AKT3: variants seen among roughly 807,000 people sequenced by gnomAD.
The protein encoded by AKT3 is RAC-gamma serine/threonine-protein kinase.
In AKT3, 15 loss-of-function variants were observed where a neutral mutation model predicts 65.3. The ratio of observed to expected loss-of-function variants is 0.23; its 90% CI spans 0.15 to 0.35. The LOEUF is 0.35. AKT3 is among the 10% of genes least tolerant of loss of function. The probability of loss-of-function intolerance (pLI) is 1.00; values close to 1 mark genes in which losing one functional copy is unlikely to be tolerated. For missense variants in AKT3, 243 were observed against 576.5 expected (o/e 0.42, Z 5.92); for synonymous variants, 206 against 183.8 (o/e 1.12, Z -0.98).
chr1:243,661,072 G>A (rs1055326918), intron 4 of AKT3, among the ~76,000 whole-genome samples: 2 of 152,176 alleles, frequency 1.3e-5, no homozygotes, highest in African/African-American at 4.8e-5. Context: ...ACAAACAAAT[G>A]GAAGAACATT....
chr1:243,663,660 G>A (rs1444668438), intron 4 of AKT3, among the ~76,000 whole-genome samples: 1 of 152,114 alleles, frequency 6.6e-6, no homozygotes, highest in East Asian at 1.9e-4. Flanking sequence ...GATCAAAAGT[G>A]TTATTAAAAT....
At chr1:243,833,784 CCA>C (rs765488266) in intron 2 of AKT3, among the ~76,000 whole-genome samples, 3 of 151,154 alleles carry the variant, frequency 2.0e-5, no homozygotes, top group Admixed American at 6.6e-5. Flanking sequence ...ATGAGCCCAG[CCA>C]CAGTGGCTCA....
chr1:243,846,558 A>T (rs1321621530), intron 1 of AKT3, among the ~76,000 whole-genome samples: 1 of 152,166 alleles, frequency 6.6e-6, no homozygotes, highest in Non-Finnish European at 1.5e-5. Context: ...GTATTCAAAG[A>T]TTACTTGGCA....
rs1268083712 is a variant in AKT3 at position 243,503,444 on chromosome 1, T to G, written c.*1805A>C. 2 of 233,472 alleles carry G rather than the reference T, an allele frequency of 8.6e-6. No individual in the cohort carries two copies. The highest frequency in any genetic ancestry group is 1.1e-4 in the Admixed American group (2 of 17,772). The allele number at this position is 233,472 out of a possible 1,614,324, so 14.5% of individuals were successfully genotyped here. ...CTACGTCATGCTGTAGTCTTCCGTT[T>G]GGGAGCTGTCAGAGTTTAACTAAAA... On this transcript the variant is annotated 3_prime_UTR_variant, in exon 14 of 14. Coordinates refer to ENST00000673466, the MANE Select transcript of AKT3 (RefSeq NM_005465.7).
At chr1:243,689,750 CAAG>C in intron 3 of AKT3, among the ~76,000 whole-genome samples, 1 of 151,720 alleles carries the variant, frequency 6.6e-6, no homozygotes, top group South Asian at 2.1e-4. Context: ...GAGCCCAGTT[CAAG>C]ACCAGCCTGA....
chr1:243,795,479 T>TG (rs1691929356), intron 2 of AKT3, among the ~76,000 whole-genome samples: 6 of 133,028 alleles, frequency 4.5e-5, no homozygotes, highest in East Asian at 2.1e-4. Flanking sequence ...TTTTTTGGTT[T>TG]TTTTTTTTTT....
At chr1:243,505,442 T>C (rs1185360209) in intron 13 of AKT3, 108 bp from the exon 14 acceptor site, 6 of 848,822 alleles carry the variant, frequency 7.1e-6, no homozygotes, top group Non-Finnish European at 9.5e-6. Flanking sequence ...ACAGAGGCAA[T>C]AGCTCCCATA....
At chr1:243,614,143 A>G (rs1435025422) in intron 7 of AKT3, among the ~76,000 whole-genome samples, 1 of 152,210 alleles carries the variant, frequency 6.6e-6, no homozygotes, top group African/African-American at 2.4e-5. Context: ...GGTTTCTAAT[A>G]CAATGACAAC....
intron 2 of AKT3, among the ~76,000 whole-genome samples, chr1:243,799,644 T>C (rs989354282): frequency 6.6e-6 from 1 of 152,122 alleles, no homozygotes; most frequent in African/African-American, 2.4e-5. Context: ...AGTCTGGCCA[T>C]AGGGTGGTTA....
chr1:243,717,249 T>G (rs1381890891), intron 2 of AKT3, among the ~76,000 whole-genome samples: 7 of 152,340 alleles, frequency 4.6e-5, no homozygotes, highest in African/African-American at 1.7e-4. Context: ...AATTTCAATT[T>G]GTATTAAAGT....
intron 2 of AKT3, among the ~76,000 whole-genome samples, chr1:243,829,301 T>C (rs527397868): frequency 1.3e-5 from 2 of 152,228 alleles, no homozygotes; most frequent in African/African-American, 4.8e-5. Flanking sequence ...ACTTAGATAA[T>C]ACAAAATGTT....
intron 1 of AKT3, among the ~76,000 whole-genome samples, chr1:243,849,677 G>T (rs1695676684): frequency 6.6e-6 from 1 of 151,540 alleles, no homozygotes; most frequent in Non-Finnish European, 1.5e-5. Context: ...GAAGGAGCGA[G>T]AGTTGCGCAG....
At chr1:243,670,955 A>T (rs1465426037) in intron 3 of AKT3, among the ~76,000 whole-genome samples, 1 of 152,204 alleles carries the variant, frequency 6.6e-6, no homozygotes, top group Non-Finnish European at 1.5e-5. Context: ...TTTAGAGATC[A>T]TCTGTTTAGA....
intron 4 of AKT3, among the ~76,000 whole-genome samples, chr1:243,647,618 A>G (rs1316641502): frequency 6.6e-6 from 1 of 152,194 alleles, no homozygotes; most frequent in Non-Finnish European, 1.5e-5. Context: ...TGTATACTGC[A>G]ACTTTATTAA....
intron 3 of AKT3, among the ~76,000 whole-genome samples, chr1:243,691,849 C>T (rs1684711502): frequency 6.6e-6 from 1 of 152,150 alleles, no homozygotes; most frequent in Non-Finnish European, 1.5e-5. Context: ...CACAAGGTTG[C>T]AACTGAAACC....
chr1:243,710,682 T>C (rs968498509), intron 2 of AKT3, among the ~76,000 whole-genome samples: 1 of 152,206 alleles, frequency 6.6e-6, no homozygotes. Flanking sequence ...TACATCTGTA[T>C]GGGAATTAAT....
At position 243,513,099 on chromosome 1, in the gene AKT3, C is replaced by T. The variant is rs538818406; in HGVS notation, c.1252-673G>A. ...TTGACAGGGCAGGAATCATCTCATT[C>T]GCACTGCACCTGCGGCAGGCATGGC... On this transcript the variant is annotated intron_variant, in intron 12 of 13. Coordinates refer to ENST00000673466, the MANE Select transcript of AKT3 (RefSeq NM_005465.7). Among the ~76,000 whole-genome samples, 48 of 152,282 alleles carry T rather than the reference C, an allele frequency of 3.2e-4. 1 individual carries two copies. In the East Asian group the frequency reaches 7.9e-3, roughly 25 times the overall value.
At chr1:243,573,653 G>A (rs1193546850) in intron 8 of AKT3, among the ~76,000 whole-genome samples, 1 of 152,062 alleles carries the variant, frequency 6.6e-6, no homozygotes, top group African/African-American at 2.4e-5. Flanking sequence ...AAAATGAACT[G>A]AGAAACATCC....
chr1:243,592,956 G>A (rs971777641), intron 8 of AKT3, among the ~76,000 whole-genome samples: 1 of 152,156 alleles, frequency 6.6e-6, no homozygotes, highest in Admixed American at 6.5e-5. Flanking sequence ...GTATACCAGT[G>A]AAAGGATCTT....
Sources: gnomAD v4.1 joint callset for allele counts (sites outside exome capture counted in the v4.1 genomes callset) on GRCh38, gnomAD v4.1.1 for gene constraint, MANE v1.5 for transcripts, NCBI Gene and HGNC (gene_info 2026-07-23, HGNC 2026-07-21) for gene names.